The following MAP1B variants were observed in gnomAD, a reference collection of about 807,000 sequenced individuals.
The protein encoded by MAP1B is microtubule associated protein 1B.
A neutral mutation model predicts 176.1 loss-of-function variants in MAP1B; 12 were observed. The ratio of observed to expected loss-of-function variants is 0.07; its 90% CI spans 0.04 to 0.11. The LOEUF (loss-of-function observed/expected upper bound fraction) is 0.11, where lower values mean the gene tolerates loss of function less well. Ranked by LOEUF, MAP1B falls within the 10% of genes least tolerant of loss-of-function variation. The pLI is 1.00. For synonymous variants in MAP1B, 1,044 were observed against 1,135.0 expected (o/e 0.92, Z 1.61); for missense variants, 2,523 against 2,990.5 (o/e 0.84, Z 3.65).
chr5:72,120,081 C>G (rs1020907322), intron 2 of MAP1B, among the ~76,000 whole-genome samples: 9 of 152,068 alleles, frequency 5.9e-5, no homozygotes, highest in South Asian at 2.1e-4. Flanking sequence ...AAGAAGTGCC[C>G]CATAATTATC....
intron 2 of MAP1B, chr5:72,116,338 G>A (rs956426786): frequency 3.0e-5 from 9 of 304,414 alleles, no homozygotes; most frequent in East Asian, 1.1e-4. Context: ...ATTATCACCC[G>A]CCATTGCATT....
At chr5:72,154,020 A>C (rs1746188151) in intron 2 of MAP1B, among the ~76,000 whole-genome samples, 1 of 152,240 alleles carries the variant, frequency 6.6e-6, no homozygotes, top group Admixed American at 6.5e-5. Flanking sequence ...AATACCCTGC[A>C]TTTAATCTTT....
In MAP1B at chr5:72,196,183, A is replaced by T. The variant is rs140447970; in HGVS notation, c.2828A>T (p.Glu943Val). ...GAATCTTCAGAGACTGGAGACTATGAAGAGAAGGCAGAAACTGAGGAGGCT... is the reference window on the plus strand; with the variant it reads ...GAATCTTCAGAGACTGGAGACTATGTAGAGAAGGCAGAAACTGAGGAGGCT... ...FEESSETGDY[E>V]EKAETEEAEE... The change falls in exon 5 of 7, where the codon GAA becomes GTA. Residue 943 changes from glutamate to valine, a missense_variant. Transcript: ENST00000296755. This position sits in a 1 kb window ranked among gnomAD's most constrained non-coding sequence, Gnocchi z 5.3. 5.0e-6 allele frequency: 8 copies of T among 1,613,302 alleles called. No individual in the cohort carries two copies. The African/African-American group carries it at 1.1e-4, about 22-fold the overall frequency.
chr5:72,193,232 C>T (rs891406790), intron 4 of MAP1B: 1 of 392,248 alleles, frequency 2.5e-6, no homozygotes, highest in South Asian at 1.8e-5. Context: ...CTTCTTGTCT[C>T]CTATGGGGAA....
At chr5:72,184,763 G>A (rs190768155) in intron 3 of MAP1B, among the ~76,000 whole-genome samples, 29 of 152,240 alleles carry the variant, frequency 1.9e-4, no homozygotes, top group African/African-American at 7.0e-4. Context: ...TGTTTGCAGC[G>A]TCCCTTCTAC....
chr5:72,197,963 G>A lies in MAP1B; in HGVS notation c.4608G>A (p.Glu1536=). The A allele has an allele frequency of 6.2e-7, 1 of 1,614,206 alleles. No individual in the cohort carries two copies. The highest frequency in any genetic ancestry group is 8.5e-7 in the Non-Finnish European group (1 of 1,180,042). The change falls in exon 5 of 7, where the codon GAG becomes GAA. Residue 1536 remains glutamate (E), a synonymous_variant. Coordinates refer to ENST00000296755, the MANE Select transcript of MAP1B (RefSeq NM_005909.5). ...VSDKSATPVD[E]GVAEDTYSHM... ...ACAAGTCAGCTACTCCTGTTGATGA[G>A]GGCGTAGCAGAAGACACGTACTCTC...
chr5:72,111,328 A>G (rs2112112921), intron 1 of MAP1B, among the ~76,000 whole-genome samples: 1 of 152,242 alleles, frequency 6.6e-6, no homozygotes, highest in Middle Eastern at 3.4e-3. Context: ...AATTACCGTT[A>G]GATTATAACT....
intron 2 of MAP1B, among the ~76,000 whole-genome samples, chr5:72,170,229 G>A (rs1746509235): frequency 6.6e-6 from 1 of 150,712 alleles, no homozygotes; most frequent in East Asian, 1.9e-4. Context: ...TAATTTAAAA[G>A]CCAAGGGCCT....
Position 72,197,735 on chromosome 5 carries a change from G to A in MAP1B, c.4380G>A (p.Gly1460=), listed in dbSNP as rs748981282. ...GTCTTTACCAAGACAAACAGGAAGG[G>A]AAAAGCACAGACTTTGCACCAATAA... is the stretch of plus-strand genomic sequence containing the variant. ...STSLYQDKQE[G]KSTDFAPIKE... is the part of the protein sequence containing the mutation. The change falls in exon 5 of 7, where the codon GGG becomes GGA. Residue 1460 remains glycine, a synonymous_variant. Coordinates refer to ENST00000296755, the MANE Select transcript of MAP1B (RefSeq NM_005909.5). The A allele has an allele frequency of 7.2e-5, 116 of 1,613,998 alleles. 2 individuals are homozygous for A. The Admixed American group carries it at 1.9e-3, about 26-fold the overall frequency.
chr5:72,114,722 C>T (rs1202957170), intron 1 of MAP1B, among the ~76,000 whole-genome samples: 2 of 152,232 alleles, frequency 1.3e-5, no homozygotes, highest in Non-Finnish European at 2.9e-5. Flanking sequence ...CTGGGCCATC[C>T]CCTTTGGGAG....
chr5:72,133,440 G>A (rs1280120869), intron 2 of MAP1B, among the ~76,000 whole-genome samples: 1 of 152,220 alleles, frequency 6.6e-6, no homozygotes, highest in Non-Finnish European at 1.5e-5. Flanking sequence ...AGGATTAGGG[G>A]CAGGTATTTG....
intron 2 of MAP1B, among the ~76,000 whole-genome samples, chr5:72,145,202 C>T (rs1004484873): frequency 3.3e-5 from 5 of 152,170 alleles, no homozygotes; most frequent in African/African-American, 7.2e-5. Flanking sequence ...GTGGAAAATG[C>T]TCACCAACAC....
In MAP1B at chr5:72,207,879, A is replaced by G. The variant is rs1415675507; in HGVS notation, c.*2640A>G. On this transcript the variant is annotated 3_prime_UTR_variant, in exon 7 of 7. Transcript: ENST00000296755. ...TTTAACCTGAACATTATTTTGCTTT[A>G]AAAACTATAAACATTGTAGGAGAAT... 6.6e-6 allele frequency: 1 copy of G among 152,140 alleles called. No individual in the cohort carries two copies. Among genetic ancestry groups the G allele is most frequent in the African/African-American group, 2.4e-5 (1 of 41,422 alleles). 9.4% of individuals were successfully genotyped at this position (152,140 alleles called of 1,614,324 possible). A position where few individuals can be genotyped will look rare whatever the true frequency, so the allele number is the denominator to read the frequency against.
rs111518630 is a variant in MAP1B, at chr5:72,194,859, T to C, written c.1504T>C (p.Leu502=). ...NSTQYNILEG[L]EKLKHLDFLK... ...CACCCAGTACAACATCCTGGAAGGG[T>C]TGGAAAAGCTCAAACATCTAGACTT... The change falls in exon 5 of 7, where the codon TTG becomes CTG. Residue 502 remains leucine (L), a synonymous_variant. Transcript: ENST00000296755. This position sits in a 1 kb window ranked among gnomAD's most constrained non-coding sequence, Gnocchi z 7.2. 1.2e-5 allele frequency: 20 copies of C among 1,613,910 alleles called. No homozygotes were observed. Among genetic ancestry groups the C allele is most frequent in the African/African-American group, 4.0e-5 (3 of 74,866 alleles).
intron 2 of MAP1B, among the ~76,000 whole-genome samples, chr5:72,118,542 A>G (rs1745471327): frequency 6.6e-6 from 1 of 152,170 alleles, no homozygotes; most frequent in South Asian, 2.1e-4. Context: ...GCATTTAACA[A>G]TCATATACAG....
chr5:72,164,072 A>G (rs763290757), intron 2 of MAP1B, among the ~76,000 whole-genome samples: 30 of 151,414 alleles, frequency 2.0e-4, no homozygotes, highest in Non-Finnish European at 3.5e-4. Context: ...AGCTAGGACA[A>G]GTACTTGGGA....
At position 72,199,185 on chromosome 5, in the gene MAP1B, G is replaced by A. The variant is rs889829204; in HGVS notation, c.5830G>A (p.Glu1944Lys). 5.0e-6 allele frequency: 8 copies of A among 1,613,984 alleles called. No individual in the cohort carries two copies. The highest frequency in any genetic ancestry group is 1.6e-4 in the Middle Eastern group (1 of 6,084). The change falls in exon 5 of 7, where the codon GAG (glutamate) becomes AAG (lysine). Residue 1944 changes from glutamate (E) to lysine (K), a missense_variant. By Grantham distance (56) the Glu-to-Lys change is moderately conservative. Coordinates refer to ENST00000296755, the MANE Select transcript of MAP1B (RefSeq NM_005909.5). The surrounding 1 kb of genome is among the most constrained non-coding windows in gnomAD (Gnocchi z 4.2). Reference protein sequence around the residue: ...EDGDYSYEIIEKTTRTPEEGG... With the variant: ...EDGDYSYEIIKKTTRTPEEGG... ...TGGTGACTATTCCTATGAAATTATTGAGAAGACCACACGGACCCCTGAAGA... is the reference window on the plus strand; with the variant it reads ...TGGTGACTATTCCTATGAAATTATTAAGAAGACCACACGGACCCCTGAAGA...
At chr5:72,128,013 A>T (rs540518730) in intron 2 of MAP1B, among the ~76,000 whole-genome samples, 3 of 152,270 alleles carry the variant, frequency 2.0e-5, no homozygotes, top group East Asian at 1.9e-4. Flanking sequence ...GTCTTTTTTT[A>T]AAAAAGGACA....
chr5:72,181,124 T>C (rs73761731), intron 2 of MAP1B, among the ~76,000 whole-genome samples: 3,732 of 152,320 alleles, frequency 0.025, 179 homozygotes, highest in African/African-American at 0.086. Context: ...TGTGAAGTCT[T>C]AGAACGGTGC....
Sources: allele counts gnomAD v4.1 joint callset (sites outside exome capture counted in the v4.1 genomes callset), GRCh38; gene constraint gnomAD v4.1.1; non-coding constraint Gnocchi (gnomAD v3.1); transcripts MANE v1.5; gene names NCBI Gene and HGNC (gene_info 2026-07-23, HGNC 2026-07-21).